Variants in LPXN observed in about 807,000 individuals in gnomAD.
LPXN encodes leupaxin.
A neutral mutation model predicts 45.6 loss-of-function variants in LPXN; 28 were observed. The ratio of observed to expected loss-of-function variants is 0.61; its 90% CI spans 0.45 to 0.84. The LOEUF (loss-of-function observed/expected upper bound fraction) is 0.84. Ranked by LOEUF, LPXN falls within the 40% of genes least tolerant of loss-of-function variation. The pLI, the probability that LPXN is intolerant of heterozygous loss-of-function variation, is 0.00. For synonymous variants in LPXN, 166 were observed against 169.9 expected, an observed-to-expected ratio of 0.98 and a Z score of 0.18; for missense variants, 459 against 475.0, an observed-to-expected ratio of 0.97 and a Z score of 0.31.
upstream of LPXN, chr11:58,578,349 G>C (rs973793824): frequency 5.2e-5 from 12 of 231,938 alleles, no homozygotes; most frequent in Non-Finnish European, 8.7e-5. Flanking sequence ...CTCCACCTCT[G>C]GTTTCCCATC....
chr11:58,572,033 A>G (rs1854719146), intron 1 of LPXN, among the ~76,000 whole-genome samples: 1 of 152,160 alleles, frequency 6.6e-6, no homozygotes, highest in Admixed American at 6.5e-5. Flanking sequence ...ATAACAAGGC[A>G]ATTTGATTAG....
intron 3 of LPXN, among the ~76,000 whole-genome samples, chr11:58,562,097 TC>T (rs891253106): frequency 1.3e-5 from 2 of 152,204 alleles, no homozygotes; most frequent in Non-Finnish European, 2.9e-5. Context: ...TGGGTTTTTT[TC>T]CCCTACTTAT....
At chr11:58,568,526 C>T (rs1854588003) in intron 2 of LPXN, among the ~76,000 whole-genome samples, 1 of 151,468 alleles carries the variant, frequency 6.6e-6, no homozygotes, top group Non-Finnish European at 1.5e-5. Context: ...TCACTTGAAC[C>T]TGGGAGGCAG....
upstream of LPXN, among the ~76,000 whole-genome samples, chr11:58,576,584 T>C (rs1488116003): frequency 6.6e-6 from 1 of 152,246 alleles, no homozygotes; most frequent in East Asian, 1.9e-4. Context: ...AATTAAACAT[T>C]TACAAAAGGC....
chr11:58,571,341 A>AT (rs1854691382), intron 1 of LPXN, among the ~76,000 whole-genome samples: 2 of 91,202 alleles, frequency 2.2e-5, no homozygotes, highest in Non-Finnish European at 4.3e-5. Flanking sequence ...CCCTGTCTCA[A>AT]AAAATAAATA....
At chr11:58,549,919 A>G in intron 6 of LPXN, 52 bp from the exon 7 acceptor site, 1 of 1,613,766 alleles carries the variant, frequency 6.2e-7, no homozygotes, top group Non-Finnish European at 8.5e-7. Flanking sequence ...GTAAAGCATG[A>G]CTCTGGTTCT....
chr11:58,527,609 T>C lies in LPXN; in HGVS notation c.1006A>G (p.Ile336Val), dbSNP rs1284950141. 2 of 1,614,216 alleles carry C rather than the reference T, an allele frequency of 1.2e-6. No homozygotes were observed. The highest frequency in any genetic ancestry group is 4.5e-5 in the East Asian group (2 of 44,882). The change falls in exon 9 of 9, where the codon ATC (isoleucine) becomes GTC (valine). Residue 336 changes from isoleucine (I) to valine (V), a missense_variant. Physicochemically the swap from Ile to Val is conservative, Grantham distance 29 (BLOSUM62 3). Transcript: ENST00000395074. ...GTLCHGCGQP[I>V]TGRCISAMGY... ...ATGGCACTGATACAACGGCCAGTGA[T>C]GGGCTGCCCACACCCATGGCAGAGC...
chr11:58,528,475 G>T (rs749775402), intron 7 of LPXN, among the ~76,000 whole-genome samples: 1 of 152,218 alleles, frequency 6.6e-6, no homozygotes, highest in Non-Finnish European at 1.5e-5. Context: ...CTGTCCCAGA[G>T]CCTGATATAG....
chr11:58,573,586 T>C (rs1170106625), intron 1 of LPXN, among the ~76,000 whole-genome samples: 1 of 152,192 alleles, frequency 6.6e-6, no homozygotes, highest in Non-Finnish European at 1.5e-5. Context: ...TTCTGGGTCA[T>C]GAGTTATAGG....
At chr11:58,571,276 C>T (rs527868013) in intron 1 of LPXN, among the ~76,000 whole-genome samples, 34 of 151,832 alleles carry the variant, frequency 2.2e-4, no homozygotes, top group Middle Eastern at 3.4e-3. Flanking sequence ...GGTGAGCCTG[C>T]GATGAGTCGA....
intron 7 of LPXN, among the ~76,000 whole-genome samples, chr11:58,535,176 C>T (rs1158117436): frequency 6.6e-6 from 1 of 152,152 alleles, no homozygotes. Context: ...TTTTATGAGG[C>T]CAGCATCATG....
In LPXN at chr11:58,528,126, A is replaced by T; in HGVS notation, c.808T>A (p.Cys270Ser). ...AACACTGGGCGATTGCAGCCACCACACTTGGGTGAGAACATGGCTAAGAAA... is the reference window on the plus strand; with the variant it reads ...AACACTGGGCGATTGCAGCCACCACTCTTGGGTGAGAACATGGCTAAGAAA... Reference protein sequence around the residue: ...KDFLAMFSPKCGGCNRPVLEN... With the variant: ...KDFLAMFSPKSGGCNRPVLEN... The change falls in exon 8 of 9, where the codon TGT becomes AGT. Residue 270 changes from cysteine (C) to serine (S), a missense_variant. Physicochemically the swap from Cys to Ser is moderately radical, Grantham distance 112 (BLOSUM62 -1). Coordinates refer to ENST00000395074, the MANE Select transcript of LPXN (RefSeq NM_004811.3). 6.2e-7 allele frequency: 1 copy of T among 1,614,188 alleles called. No individual in the cohort carries two copies. The highest frequency in any genetic ancestry group is 2.2e-5 in the East Asian group (1 of 44,872).
chr11:58,544,268 T>G (rs192834881), intron 7 of LPXN, among the ~76,000 whole-genome samples: 1 of 152,318 alleles, frequency 6.6e-6, no homozygotes, highest in East Asian at 1.9e-4. Flanking sequence ...TTCTCAAACT[T>G]TAGTGTGCAT....
At chr11:58,550,410 A>C (rs770028644) in intron 5 of LPXN, among the ~76,000 whole-genome samples, 30 of 152,224 alleles carry the variant, frequency 2.0e-4, no homozygotes, top group Admixed American at 1.3e-4. Context: ...CTGCACTGCC[A>C]CAGGGGGTGG....
chr11:58,541,751 T>G (rs1476187429), intron 7 of LPXN, among the ~76,000 whole-genome samples: 158 of 150,808 alleles, frequency 1.0e-3, no homozygotes, highest in Non-Finnish European at 1.4e-3. Context: ...GTATGTTTAT[T>G]CTGGCATTAT....
intron 7 of LPXN, among the ~76,000 whole-genome samples, chr11:58,530,212 C>T (rs570727269): frequency 2.0e-5 from 3 of 152,332 alleles, no homozygotes; most frequent in East Asian, 1.9e-4. Flanking sequence ...GTTCACTCCC[C>T]TGGAAAGGGG....
At chr11:58,549,177 C>T (rs1262492520) in intron 7 of LPXN, among the ~76,000 whole-genome samples, 1 of 152,132 alleles carries the variant, frequency 6.6e-6, no homozygotes, top group South Asian at 2.1e-4. Context: ...GGGCGGATCA[C>T]GAGGTCAGGA....
intron 7 of LPXN, among the ~76,000 whole-genome samples, chr11:58,537,267 C>T (rs1485740471): frequency 1.3e-5 from 2 of 152,132 alleles, no homozygotes; most frequent in Non-Finnish European, 2.9e-5. Context: ...AACCCAAATG[C>T]CCATCAATGA....
upstream of LPXN, chr11:58,578,213 C>A (rs2510556): frequency 0.02 from 17,151 of 852,434 alleles, 511 homozygotes; most frequent in African/African-American, 0.12. Context: ...ACGCTTGAGC[C>A]CGGATGTACG....
Sources: gnomAD v4.1 joint callset for allele counts (sites outside exome capture counted in the v4.1 genomes callset) on GRCh38, gnomAD v4.1.1 for gene constraint, MANE v1.5 for transcripts, NCBI Gene and HGNC (gene_info 2026-07-23, HGNC 2026-07-21) for gene names.